CLNK: variants seen among roughly 807,000 people sequenced by gnomAD.
The protein encoded by CLNK is cytokine dependent hematopoietic cell linker.
Under a neutral mutation model 68.6 loss-of-function variants are expected in CLNK, and 74 were observed. That is an observed-to-expected ratio of 1.08 (90% CI 0.89 to 1.31). The LOEUF is 1.31. CLNK is among the 50% of genes most tolerant of loss of function. The pLI is 0.00. For synonymous variants in CLNK, 198 were observed against 172.2 expected (o/e 1.15, Z -1.17); for missense variants, 553 against 515.3 (o/e 1.07, Z -0.71).
intron 5 of CLNK, among the ~76,000 whole-genome samples, chr4:10,570,970 G>A (rs1259511758): frequency 1.3e-5 from 2 of 152,126 alleles, no homozygotes; most frequent in Non-Finnish European, 2.9e-5. Flanking sequence ...TTAAGTATCA[G>A]TACATATTTT....
At position 10,511,169 on chromosome 4, in the gene CLNK, TA is replaced by T. The variant is rs939963539; in HGVS notation, c.906+2294del. On this transcript the variant is annotated intron_variant, in intron 16 of 18. Transcript: ENST00000226951. ...GCGGAAACTCTGTCTCAAAAAAAAT[TA>T]AAAAAAAAAAAAGCATATTTGATTG... 3.9e-3 allele frequency among the ~76,000 whole-genome samples: 579 copies of T among 147,350 alleles called. 1 individual carries two copies. The highest frequency in any genetic ancestry group is 0.012 in the African/African-American group (498 of 40,122).
chr4:10,500,672 C>CA (rs11370372), intron 18 of CLNK, among the ~76,000 whole-genome samples: 52,643 of 141,018 alleles, frequency 0.37, 9,301 homozygotes, highest in Middle Eastern at 0.4. Flanking sequence ...GTCTCTGTCT[C>CA]AAAAAAAAAA....
chr4:10,708,158 G>C, the CLNK span, among the ~76,000 whole-genome samples: 19 of 152,148 alleles, frequency 1.2e-4, no homozygotes, highest in Non-Finnish European at 1.5e-5. Flanking sequence ...CAGAGAGACT[G>C]GGCTCAAATC....
chr4:10,658,530 C>G (rs1475360599), intron 2 of CLNK, among the ~76,000 whole-genome samples: 1 of 152,216 alleles, frequency 6.6e-6, no homozygotes, highest in Non-Finnish European at 1.5e-5. Context: ...CAGGGCTGAA[C>G]TGAGCTGAAC....
the CLNK span, among the ~76,000 whole-genome samples, chr4:10,691,733 C>G: frequency 6.6e-6 from 1 of 152,120 alleles, no homozygotes; most frequent in South Asian, 2.1e-4. Flanking sequence ...TCCAGGGTCT[C>G]CAAATTGGCA....
intron 2 of CLNK, among the ~76,000 whole-genome samples, chr4:10,654,731 C>G (rs1723893914): frequency 6.6e-6 from 1 of 151,978 alleles, no homozygotes. Flanking sequence ...CAAAAATATA[C>G]ACTACCAACA....
chr4:10,634,281 A>T (rs1254389791), intron 2 of CLNK, among the ~76,000 whole-genome samples: 1 of 152,202 alleles, frequency 6.6e-6, no homozygotes, highest in Non-Finnish European at 1.5e-5. Context: ...TTTTGGATAT[A>T]AAAGGAGACA....
rs368619338 is a variant in CLNK, at chr4:10,548,130, C to T, written c.446-5850G>A. 3.3e-5 allele frequency among the ~76,000 whole-genome samples: 5 copies of T among 152,294 alleles called. No homozygotes were observed. In the East Asian group the frequency reaches 5.8e-4, roughly 18 times the overall value. On this transcript the variant is annotated intron_variant, in intron 8 of 18. Transcript: ENST00000226951. ...ACTGTGTGCAAGGGATCGCTTTTCT[C>T]CATATTCTTGCCAACACTTGCCATC...
intron 18 of CLNK, among the ~76,000 whole-genome samples, chr4:10,499,483 C>G (rs769295490): frequency 3.3e-5 from 5 of 152,204 alleles, no homozygotes; most frequent in Admixed American, 6.5e-5. Flanking sequence ...AAAAAGTGCT[C>G]TGGTCAGACA....
chr4:10,609,396 T>C (rs1232364213), intron 2 of CLNK, among the ~76,000 whole-genome samples: 1 of 152,216 alleles, frequency 6.6e-6, no homozygotes, highest in African/African-American at 2.4e-5. Flanking sequence ...TGGGCTGCAT[T>C]CCTGTCTTCT....
At chr4:10,697,347 C>T in the CLNK span, 2 of 152,116 alleles carry the variant, frequency 1.3e-5, no homozygotes, top group African/African-American at 4.8e-5. Context: ...CTTGAGCAGG[C>T]CGGGGCTTCG....
chr4:10,709,691 C>T, the CLNK span, among the ~76,000 whole-genome samples: 1 of 152,094 alleles, frequency 6.6e-6, no homozygotes, highest in Non-Finnish European at 1.5e-5. Flanking sequence ...GGAAAGGATG[C>T]TATGCCAATT....
chr4:10,539,293 G>C (rs943114866), intron 11 of CLNK, among the ~76,000 whole-genome samples: 3 of 152,202 alleles, frequency 2.0e-5, no homozygotes, highest in African/African-American at 7.2e-5. Flanking sequence ...GGCTGTAATG[G>C]AGGAAATGGT....
chr4:10,606,255 C>A (rs1325728724), intron 2 of CLNK, among the ~76,000 whole-genome samples: 1 of 152,068 alleles, frequency 6.6e-6, no homozygotes, highest in African/African-American at 2.4e-5. Context: ...CACACCTTAG[C>A]CTAGGCCTGC....
chr4:10,726,119 G>C, the CLNK span, among the ~76,000 whole-genome samples: 7 of 152,052 alleles, frequency 4.6e-5, no homozygotes, highest in Admixed American at 2.0e-4. Flanking sequence ...TTGATATCCC[G>C]TGGCTTCTGC....
At chr4:10,491,988 G>T (rs1033112607) in intron 18 of CLNK, among the ~76,000 whole-genome samples, 6 of 152,110 alleles carry the variant, frequency 3.9e-5, no homozygotes. Flanking sequence ...TTCTGATCAG[G>T]TGAGTTTGGA....
At chr4:10,708,156 C>A in the CLNK span, among the ~76,000 whole-genome samples, 4 of 152,146 alleles carry the variant, frequency 2.6e-5, no homozygotes, top group Non-Finnish European at 4.4e-5. Flanking sequence ...GTCAGAGAGA[C>A]TGGGCTCAAA....
At chr4:10,515,838 T>G (rs1228855546) in intron 15 of CLNK, among the ~76,000 whole-genome samples, 1 of 152,226 alleles carries the variant, frequency 6.6e-6, no homozygotes, top group East Asian at 1.9e-4. Flanking sequence ...CAATGCATGA[T>G]GCTGCACAGT....
chr4:10,622,935 G>T (rs1722517314), intron 2 of CLNK, among the ~76,000 whole-genome samples: 1 of 151,966 alleles, frequency 6.6e-6, no homozygotes, highest in African/African-American at 2.4e-5. Context: ...CCCTTACAAG[G>T]ACACTAATTT....
Sources: allele counts gnomAD v4.1 joint callset (sites outside exome capture counted in the v4.1 genomes callset), GRCh38; gene constraint gnomAD v4.1.1; transcripts MANE v1.5; gene names NCBI Gene and HGNC (gene_info 2026-07-23, HGNC 2026-07-21).